TCF20: variants seen among roughly 807,000 people sequenced by gnomAD.
TCF20 encodes the protein transcription factor 20.
TCF20 carries 3 observed loss-of-function variants against 148.6 expected under a neutral mutation model. That is an observed-to-expected ratio of 0.02 (90% confidence interval 0.01 to 0.05). TCF20 has a LOEUF of 0.05. Ranked by LOEUF, TCF20 falls within the 10% of genes least tolerant of loss-of-function variation. The pLI is 1.00. For missense variants in TCF20, 2,350 were observed against 2,429.3 expected (o/e 0.97, Z 0.69); for synonymous variants, 1,049 against 909.5 (o/e 1.15, Z -2.76).
chr22:42,214,099 C>T lies in TCF20; in HGVS notation c.1207G>A (p.Val403Met). 6.2e-7 allele frequency: 1 copy of T among 1,614,198 alleles called. No homozygotes were observed. Among genetic ancestry groups the T allele is most frequent in the Non-Finnish European group, 8.5e-7 (1 of 1,180,046 alleles). Residue 403 changes from valine to methionine, a missense_variant, in exon 2 of 6, where the codon GTG becomes ATG. Transcript: ENST00000677622. The stretch of plus-strand genomic sequence containing the variant: ...ATTCTGTTTCTGGAACCCATAGGCA[C>T]ACTGCCTTGCCCACACTGGAGATTC... ...GENLQCGQGS[V>M]PMGSRNRILQ... is the part of the protein sequence containing the mutation.
chr22:42,196,192 G>A (rs1937594078), intron 2 of TCF20, among the ~76,000 whole-genome samples: 1 of 152,242 alleles, frequency 6.6e-6, no homozygotes, highest in South Asian at 2.1e-4. Flanking sequence ...CACTATTGGA[G>A]TGACTTGGGG....
At chr22:42,332,311 G>C (rs1927990483) in intron 1 of TCF20, among the ~76,000 whole-genome samples, 1 of 152,142 alleles carries the variant, frequency 6.6e-6, no homozygotes. Context: ...AGCAGCTCAG[G>C]GCTTTTGAGA....
chr22:42,239,073 G>A lies in TCF20; in HGVS notation c.-36-23732C>T, dbSNP rs995053513. Among the ~76,000 whole-genome samples the A allele has an allele frequency of 2.5e-4, 38 of 150,700 alleles. 1 individual carries two copies. The highest frequency in any genetic ancestry group is 3.9e-4 in the East Asian group (2 of 5,078). On this transcript the variant is annotated intron_variant, in intron 1 of 5. Coordinates refer to ENST00000677622, the MANE Select transcript of TCF20 (RefSeq NM_001378418.1). Reference sequence around the variant, plus strand: ...GCAGAGCTTGCAGTGAGCCGAAATCGCACCACTGCACTCCAGCCTGGGCGA... The same window carrying A: ...GCAGAGCTTGCAGTGAGCCGAAATCACACCACTGCACTCCAGCCTGGGCGA...
intron 1 of TCF20, among the ~76,000 whole-genome samples, chr22:42,222,517 C>G (rs1185669650): frequency 6.6e-6 from 1 of 151,270 alleles, no homozygotes; most frequent in Non-Finnish European, 1.5e-5. Context: ...AGCCCTGTGA[C>G]ATCTTCCCAA....
At chr22:42,340,890 C>G (rs937144510) in intron 1 of TCF20, among the ~76,000 whole-genome samples, 4 of 137,914 alleles carry the variant, frequency 2.9e-5, no homozygotes, top group Admixed American at 7.0e-5. Context: ...GAAGCCCCCC[C>G]CCCCACCCCA....
chr22:42,198,110 T>C (rs1057477265), intron 2 of TCF20, among the ~76,000 whole-genome samples: 1 of 152,210 alleles, frequency 6.6e-6, no homozygotes, highest in Non-Finnish European at 1.5e-5. Context: ...AAAAGTGCGG[T>C]ACTTGAATAA....
intron 1 of TCF20, among the ~76,000 whole-genome samples, chr22:42,295,446 T>TC (rs1189243933): frequency 1.3e-5 from 2 of 149,284 alleles, no homozygotes; most frequent in Non-Finnish European, 3.0e-5. Context: ...TCTTTTCTTT[T>TC]TTTTTTTTTT....
At chr22:42,319,448 C>T (rs1927693427) in intron 1 of TCF20, among the ~76,000 whole-genome samples, 1 of 152,192 alleles carries the variant, frequency 6.6e-6, no homozygotes. Flanking sequence ...GGACCTCATC[C>T]CAGGCTTCTC....
At chr22:42,168,255 G>A (rs190399381) in intron 5 of TCF20, among the ~76,000 whole-genome samples, 1 of 152,306 alleles carries the variant, frequency 6.6e-6, no homozygotes, top group Admixed American at 6.5e-5. Flanking sequence ...AACCCTTTCT[G>A]AGACGGGGGA....
intron 1 of TCF20, among the ~76,000 whole-genome samples, chr22:42,232,499 G>A (rs1319568034): frequency 3.3e-5 from 5 of 152,090 alleles, no homozygotes; most frequent in Non-Finnish European, 7.4e-5. Context: ...AGATGTTTTG[G>A]GGGTGGGATT....
At chr22:42,241,191 G>C (rs370739023) in intron 1 of TCF20, among the ~76,000 whole-genome samples, 120 of 152,222 alleles carry the variant, frequency 7.9e-4, no homozygotes, top group African/African-American at 2.6e-3. Context: ...TCGTTGGCTA[G>C]TGCCGTCAGT....
intron 1 of TCF20, among the ~76,000 whole-genome samples, chr22:42,306,355 G>A (rs1927433751): frequency 6.6e-6 from 1 of 152,254 alleles, no homozygotes; most frequent in Non-Finnish European, 1.5e-5. Flanking sequence ...AGCAGCTGAG[G>A]ACCTCATCTG....
Position 42,212,171 on chromosome 22 carries a change from C to A in TCF20, c.3135G>T (p.Arg1045=). The A allele has an allele frequency of 6.2e-7, 1 of 1,614,208 alleles. No homozygotes were observed. The highest frequency in any genetic ancestry group is 8.5e-7 in the Non-Finnish European group (1 of 1,180,040). The change falls in exon 2 of 6, where the codon CGG becomes CGT. Residue 1045 remains arginine, a synonymous_variant. Coordinates refer to ENST00000677622, the MANE Select transcript of TCF20 (RefSeq NM_001378418.1). ...PHMTFSERAN[R]SSLHTPFSPN... ...GAGAAAAGGGAGTGTGTAAAGAACTCCGGTTAGCCCTCTCTGAAAAGGTCA... is the reference window on the plus strand; with the variant it reads ...GAGAAAAGGGAGTGTGTAAAGAACTACGGTTAGCCCTCTCTGAAAAGGTCA...
chr22:42,221,135 G>C (rs978827183), intron 1 of TCF20, among the ~76,000 whole-genome samples: 1 of 152,216 alleles, frequency 6.6e-6, no homozygotes, highest in Non-Finnish European at 1.5e-5. Flanking sequence ...AATGAGAAGT[G>C]CAAGAGAGAT....
rs748568301 is a variant in TCF20 at position 42,212,128 on chromosome 22, C to G, written c.3178G>C (p.Ala1060Pro). 1 of 1,614,160 alleles carries G rather than the reference C, an allele frequency of 6.2e-7. No homozygotes were observed. Among genetic ancestry groups the G allele is most frequent in the Non-Finnish European group, 8.5e-7 (1 of 1,180,038 alleles). Residue 1060 changes from alanine to proline, a missense_variant, in exon 2 of 6, where the codon GCC becomes CCC. Physicochemically the swap from Ala to Pro is conservative, Grantham distance 27. Transcript: ENST00000677622. ...TPFSPNSETL[A>P]SAYHANTRAH... Reference sequence around the variant, plus strand: ...CGAGTATTTGCATGATAAGCAGAGGCCAGGGTTTCTGAGTTGGGAGAAAAG... The same window carrying G: ...CGAGTATTTGCATGATAAGCAGAGGGCAGGGTTTCTGAGTTGGGAGAAAAG...
intron 1 of TCF20, among the ~76,000 whole-genome samples, chr22:42,334,859 C>A (rs907307189): frequency 2.6e-5 from 4 of 152,160 alleles, no homozygotes. Context: ...TCCCATGGGA[C>A]TTTTAGTCCT....
At chr22:42,216,678 T>C (rs919325858) in intron 1 of TCF20, among the ~76,000 whole-genome samples, 7 of 152,196 alleles carry the variant, frequency 4.6e-5, no homozygotes, top group Non-Finnish European at 8.8e-5. Flanking sequence ...AAATTCACAG[T>C]TATTACTGGC....
intron 1 of TCF20, among the ~76,000 whole-genome samples, chr22:42,303,345 A>C (rs1471394467): frequency 6.6e-6 from 1 of 152,216 alleles, no homozygotes; most frequent in Non-Finnish European, 1.5e-5. Flanking sequence ...TGCAGAGGAG[A>C]CCGAGGCTCA....
chr22:42,291,300 CA>C (rs1927128524), intron 1 of TCF20, among the ~76,000 whole-genome samples: 1 of 152,198 alleles, frequency 6.6e-6, no homozygotes, highest in African/African-American at 2.4e-5. Flanking sequence ...GCCTGAGCCC[CA>C]GGGGAGGGGC....
Sources: gnomAD v4.1 joint callset for allele counts (sites outside exome capture counted in the v4.1 genomes callset) on GRCh38, gnomAD v4.1.1 for gene constraint, MANE v1.5 for transcripts, NCBI Gene and HGNC (gene_info 2026-07-23, HGNC 2026-07-21) for gene names.